HIBCH: variants seen among roughly 807,000 people sequenced by gnomAD.
HIBCH encodes 3-hydroxyisobutyryl-CoA hydrolase.
A neutral mutation model predicts 58.2 loss-of-function variants in HIBCH; 50 were observed. The ratio of observed to expected loss-of-function variants is 0.86; its 90% CI spans 0.68 to 1.09. The LOEUF (loss-of-function observed/expected upper bound fraction) is 1.09. HIBCH is among the 50% of genes least tolerant of loss of function. HIBCH has a pLI of 0.00. For synonymous variants in HIBCH, 151 were observed against 146.9 expected (o/e 1.03, Z -0.20); for missense variants, 450 against 449.7 (o/e 1.00, Z -0.01).
rs755548012 is a variant in HIBCH at position 190,290,447 on chromosome 2, G to A, written c.343C>T (p.Pro115Ser). 1.2e-6 allele frequency: 2 copies of A among 1,611,828 alleles called. No individual in the cohort carries two copies. Among genetic ancestry groups the A allele is most frequent in the African/African-American group, 2.7e-5 (2 of 74,708 alleles). The change falls in exon 5 of 14, where the codon CCA becomes TCA. Residue 115 changes from proline to serine, a missense_variant. Pro to Ser is a moderately conservative substitution (Grantham distance 74). Coordinates refer to ENST00000359678, the MANE Select transcript of HIBCH (RefSeq NM_014362.4). ...ATATATTCTTCTCTGAAGAAAACTG[G>A]AGCTATCTTCTGTTTTGCCTTTTCA... ...EAEKAKQKIA[P>S]VFFREEYMLN...
chr2:190,238,568 G>A (rs908836685), intron 11 of HIBCH, among the ~76,000 whole-genome samples: 4 of 152,144 alleles, frequency 2.6e-5, no homozygotes, highest in Non-Finnish European at 2.9e-5. Flanking sequence ...AGGTTCAAGC[G>A]ATTTTCCTGC....
intron 5 of HIBCH, 137 bp from the exon 6 acceptor site, chr2:190,287,775 T>C (rs1435414251): frequency 1.5e-6 from 1 of 657,606 alleles, no homozygotes; most frequent in Non-Finnish European, 2.8e-6. Flanking sequence ...CGACTAAATG[T>C]ATGGCTTATA....
At chr2:190,213,336 ATG>A (rs1392207306) in intron 11 of HIBCH, 1 of 433,680 alleles carries the variant, frequency 2.3e-6, no homozygotes, top group Non-Finnish European at 4.2e-6. Context: ...AGCATAAATT[ATG>A]CCAATTGGCT....
chr2:190,307,271 T>G (rs531078071), intron 2 of HIBCH, among the ~76,000 whole-genome samples: 3 of 152,306 alleles, frequency 2.0e-5, no homozygotes, highest in African/African-American at 7.2e-5. Flanking sequence ...CCCTCAATAC[T>G]GAATACTACT....
intron 6 of HIBCH, among the ~76,000 whole-genome samples, chr2:190,272,758 G>T (rs541562595): frequency 2.6e-5 from 4 of 151,828 alleles, no homozygotes; most frequent in Admixed American, 2.6e-4. Context: ...ATACCTTAAT[G>T]GGGGGGCAGG....
At chr2:190,230,907 A>G (rs965241035) in intron 11 of HIBCH, among the ~76,000 whole-genome samples, 1 of 152,168 alleles carries the variant, frequency 6.6e-6, no homozygotes, top group African/African-American at 2.4e-5. Context: ...TTATAGACCA[A>G]TCTCTCATAA....
At chr2:190,213,776 AC>A in intron 11 of HIBCH, 1 of 152,726 alleles carries the variant, frequency 6.5e-6, no homozygotes, top group East Asian at 1.9e-4. Flanking sequence ...TAAAGCTGCT[AC>A]CTAACACTCA....
chr2:190,305,374 A>T (rs1458523910), intron 2 of HIBCH, among the ~76,000 whole-genome samples: 1 of 152,126 alleles, frequency 6.6e-6, no homozygotes, highest in Non-Finnish European at 1.5e-5. Flanking sequence ...GGTGCTAGGG[A>T]AGGAACTATC....
chr2:190,214,235 G>A lies in HIBCH; in HGVS notation c.892-1160C>T, dbSNP rs1042250738. ...CAACCTCCTGCATGATCCAAGGTAGGAAAGTTGGATTATCAGTACTGCCTT... is the reference window on the plus strand; with the variant it reads ...CAACCTCCTGCATGATCCAAGGTAGAAAAGTTGGATTATCAGTACTGCCTT... On this transcript the variant is annotated intron_variant, in intron 11 of 13. Transcript: ENST00000359678. This position sits in a 1 kb window ranked among gnomAD's most constrained non-coding sequence, Gnocchi z 5.5. 2 of 152,244 alleles carry A rather than the reference G, an allele frequency of 1.3e-5. No individual in the cohort carries two copies. Among genetic ancestry groups the A allele is most frequent in the Non-Finnish European group, 2.9e-5 (2 of 68,092 alleles). The allele number at this position is 152,244 out of a possible 1,614,324, so 9.4% of individuals were successfully genotyped here.
intron 13 of HIBCH, among the ~76,000 whole-genome samples, chr2:190,208,501 C>G (rs150037615): frequency 6.6e-6 from 1 of 152,252 alleles, no homozygotes; most frequent in East Asian, 1.9e-4. Flanking sequence ...AAACAATTAT[C>G]AGTTTCAAAG....
exon 2 of HIBCH, chr2:190,189,941 C>T (rs1689634798): frequency 6.6e-6 from 1 of 152,224 alleles, no homozygotes; most frequent in South Asian, 2.1e-4. Flanking sequence ...GCAGGCCTCA[C>T]ACTGGAGTCC....
rs537813321 is a variant in HIBCH, at chr2:190,264,273, TTTTC to T, written c.439-3043_439-3040del. Among the ~76,000 whole-genome samples, 552 of 151,478 alleles carry T rather than the reference TTTTC, an allele frequency of 3.6e-3. 4 individuals carry two copies. The highest frequency in any genetic ancestry group is 5.4e-3 in the South Asian group (26 of 4,818). On this transcript the variant is annotated intron_variant, in intron 6 of 13. Coordinates refer to ENST00000359678, the MANE Select transcript of HIBCH (RefSeq NM_014362.4). The stretch of plus-strand genomic sequence containing the variant: ...GCAAGCCACACGGGCTTTCTTTCTT[TTTTC>T]TTTCTTTTTTTTTTTTTAAACTCTC...
At chr2:190,222,322 A>G (rs1040223270) in intron 11 of HIBCH, among the ~76,000 whole-genome samples, 9 of 152,136 alleles carry the variant, frequency 5.9e-5, no homozygotes, top group African/African-American at 2.2e-4. Flanking sequence ...CCTGTGCACT[A>G]CAGTTACTGC....
chr2:190,219,576 T>G (rs146517721), intron 11 of HIBCH, among the ~76,000 whole-genome samples: 1 of 152,214 alleles, frequency 6.6e-6, no homozygotes, highest in Admixed American at 6.5e-5. Context: ...AGTCAAATAC[T>G]TGAAGAGCCC....
intron 1 of HIBCH, among the ~76,000 whole-genome samples, chr2:190,314,329 GTATATATACATATATA>G (rs1181859218): frequency 2.9e-4 from 1 of 3,446 alleles, no homozygotes; most frequent in East Asian, 0.012. Context: ...ATGTATATAT[GTATATATACATATATA>G]TGTGTATATA....
intron 6 of HIBCH, among the ~76,000 whole-genome samples, chr2:190,282,538 C>G (rs1231882201): frequency 6.6e-6 from 1 of 152,226 alleles, no homozygotes; most frequent in Non-Finnish European, 1.5e-5. Context: ...ACTAATCCAT[C>G]TTAACAACAT....
intron 7 of HIBCH, among the ~76,000 whole-genome samples, chr2:190,256,689 G>C (rs894874893): frequency 2.6e-5 from 4 of 152,050 alleles, no homozygotes; most frequent in Admixed American, 6.6e-5. Flanking sequence ...CGACATAAAT[G>C]TAAGAACCAG....
chr2:190,248,884 A>G (rs1329686926), intron 9 of HIBCH, among the ~76,000 whole-genome samples: 1 of 152,016 alleles, frequency 6.6e-6, no homozygotes, highest in Non-Finnish European at 1.5e-5. Context: ...AAAACAAAAA[A>G]AAAACTTATA....
At chr2:190,299,724 T>C (rs985074282) in intron 2 of HIBCH, among the ~76,000 whole-genome samples, 4 of 152,210 alleles carry the variant, frequency 2.6e-5, no homozygotes, top group Non-Finnish European at 4.4e-5. Context: ...AGGTTTGTTA[T>C]ATAGTTAAAT....
Sources: gnomAD v4.1 joint callset for allele counts (sites outside exome capture counted in the v4.1 genomes callset) on GRCh38, gnomAD v4.1.1 for gene constraint, Gnocchi (gnomAD v3.1) non-coding constraint, MANE v1.5 for transcripts, NCBI Gene and HGNC (gene_info 2026-07-23, HGNC 2026-07-21) for gene names.